The following SPAG9 variants were observed in gnomAD, a reference collection of about 807,000 sequenced individuals.
SPAG9 encodes the protein sperm associated antigen 9.
SPAG9 carries 35 observed loss-of-function variants against 166.5 expected under a neutral mutation model. The ratio of observed to expected loss-of-function variants is 0.21; its 90% CI spans 0.16 to 0.28. The LOEUF is 0.28. Ranked by LOEUF, SPAG9 falls within the 10% of genes least tolerant of loss-of-function variation. SPAG9 has a pLI of 1.00. For synonymous variants in SPAG9, 534 were observed against 565.5 expected, an observed-to-expected ratio of 0.94 and a Z score of 0.79; for missense variants, 1,235 against 1,603.3, an observed-to-expected ratio of 0.77 and a Z score of 3.92.
chr17:51,047,870 A>G (rs924781071), intron 3 of SPAG9, among the ~76,000 whole-genome samples: 1 of 152,108 alleles, frequency 6.6e-6, no homozygotes, highest in Non-Finnish European at 1.5e-5. Flanking sequence ...AATGAGACAC[A>G]ACAAAGAAAT....
intron 2 of SPAG9, among the ~76,000 whole-genome samples, chr17:51,063,229 C>A (rs534239568): frequency 6.7e-6 from 1 of 149,574 alleles, no homozygotes; most frequent in African/African-American, 2.5e-5. Flanking sequence ...GCCAACATGG[C>A]GAAACCCCAT....
In SPAG9 at chr17:51,020,124, G is replaced by C. The variant is rs772554540; in HGVS notation, c.1091+35C>G. The C allele has an allele frequency of 2.6e-5, 33 of 1,287,172 alleles. No homozygotes were observed. The East Asian group carries it at 6.7e-4, about 26-fold the overall frequency. The allele number at this position is 1,287,172 out of a possible 1,614,324, so 79.7% of individuals were successfully genotyped here. ...TGTTTATGGGAGTTGGGGGTGGGGG[G>C]CGCAGAATATGTCTTCATCTAACAT... On this transcript the variant is annotated intron_variant, in intron 8 of 29. Coordinates refer to ENST00000262013, the MANE Select transcript of SPAG9 (RefSeq NM_001130528.3).
chr17:51,037,629 T>TA (rs1375810235), intron 5 of SPAG9, among the ~76,000 whole-genome samples: 4 of 132,772 alleles, frequency 3.0e-5, no homozygotes, highest in East Asian at 4.2e-4. Context: ...AAAAAAAAAA[T>TA]TATATATATA....
chr17:50,973,986 C>A (rs542440152), intron 28 of SPAG9, among the ~76,000 whole-genome samples: 15 of 152,314 alleles, frequency 9.8e-5, no homozygotes, highest in Non-Finnish European at 1.3e-4. Flanking sequence ...CTCTGAAGAA[C>A]CCTGACTAAT....
chr17:50,968,973 C>A (rs1380336310), intron 29 of SPAG9, among the ~76,000 whole-genome samples: 1 of 151,644 alleles, frequency 6.6e-6, no homozygotes, highest in African/African-American at 2.4e-5. Flanking sequence ...CACTCTGTCA[C>A]CCAGGCTGGA....
intron 3 of SPAG9, among the ~76,000 whole-genome samples, chr17:51,053,039 C>T (rs892102397): frequency 1.3e-5 from 2 of 151,494 alleles, no homozygotes; most frequent in East Asian, 3.9e-4. Context: ...CAGAGCAAGA[C>T]CCCATCTCAA....
Position 51,020,123 on chromosome 17 carries a change from G to A in SPAG9, c.1091+36C>T, listed in dbSNP as rs1312639151. ...GTGTTTATGGGAGTTGGGGGTGGGG[G>A]GCGCAGAATATGTCTTCATCTAACA... On this transcript the variant is annotated intron_variant, in intron 8 of 29. Transcript: ENST00000262013. 11 of 1,254,434 alleles carry A rather than the reference G, an allele frequency of 8.8e-6. No homozygotes were observed. The East Asian group carries it at 1.4e-4, about 16-fold the overall frequency. The allele number at this position is 1,254,434 out of a possible 1,614,324, so 77.7% of individuals were successfully genotyped here.
At chr17:51,101,972 C>T (rs1389121144) in intron 1 of SPAG9, among the ~76,000 whole-genome samples, 2 of 152,100 alleles carry the variant, frequency 1.3e-5, no homozygotes, top group African/African-American at 2.4e-5. Context: ...TGGATTTCCA[C>T]GCCCCCAAAA....
chr17:51,072,147 A>G (rs1348095115), intron 2 of SPAG9, among the ~76,000 whole-genome samples: 1 of 151,886 alleles, frequency 6.6e-6, no homozygotes, highest in Non-Finnish European at 1.5e-5. Flanking sequence ...TCTTGGCTCA[A>G]TGCAACCTCC....
chr17:50,980,210 T>G (rs902474334), intron 25 of SPAG9, among the ~76,000 whole-genome samples: 1 of 152,134 alleles, frequency 6.6e-6, no homozygotes, highest in African/African-American at 2.4e-5. Flanking sequence ...TATTTCTTTA[T>G]TTTTTATTTT....
intron 18 of SPAG9, among the ~76,000 whole-genome samples, chr17:50,994,378 C>T (rs1428347554): frequency 6.6e-6 from 1 of 152,114 alleles, no homozygotes; most frequent in Non-Finnish European, 1.5e-5. Context: ...TTTTTTCCTT[C>T]CCAGTCTCGG....
intron 29 of SPAG9, among the ~76,000 whole-genome samples, chr17:50,967,820 A>AT (rs1347174495): frequency 2.0e-5 from 3 of 152,182 alleles, no homozygotes; most frequent in Non-Finnish European, 4.4e-5. Flanking sequence ...ATCAAATTTG[A>AT]TTTTTTACAA....
chr17:50,992,976 GTC>G (rs1428468302), intron 19 of SPAG9, among the ~76,000 whole-genome samples: 1 of 151,478 alleles, frequency 6.6e-6, no homozygotes, highest in South Asian at 2.1e-4. Context: ...CGTGCCTGTA[GTC>G]CCAGCTACTT....
intron 25 of SPAG9, among the ~76,000 whole-genome samples, chr17:50,981,727 A>C (rs1376798972): frequency 6.6e-6 from 1 of 151,702 alleles, no homozygotes; most frequent in African/African-American, 2.4e-5. Context: ...AAAAAAAAAA[A>C]AAAACCGTAA....
At chr17:51,105,542 CT>C (rs1264448017) in intron 1 of SPAG9, among the ~76,000 whole-genome samples, 15 of 152,284 alleles carry the variant, frequency 9.9e-5, no homozygotes, top group African/African-American at 3.6e-4. Flanking sequence ...TTAACCTTTT[CT>C]TCTTCCCTTT....
At chr17:51,093,805 T>G (rs2048538631) in intron 1 of SPAG9, among the ~76,000 whole-genome samples, 1 of 148,760 alleles carries the variant, frequency 6.7e-6, no homozygotes, top group South Asian at 2.1e-4. Context: ...GAGGGTTGAG[T>G]GGAAGTCTAA....
intron 21 of SPAG9, 129 bp from the exon 22 acceptor site, chr17:50,987,366 G>A: frequency 1.3e-6 from 1 of 798,322 alleles, no homozygotes; most frequent in South Asian, 2.1e-5. Context: ...TAGAGATAGG[G>A]TATCACTCTG....
At chr17:51,081,811 T>C (rs1268188748) in intron 1 of SPAG9, among the ~76,000 whole-genome samples, 1 of 140,838 alleles carries the variant, frequency 7.1e-6, no homozygotes, top group Non-Finnish European at 1.6e-5. Context: ...TTCTTTACCA[T>C]AGCCTCTAAG....
intron 1 of SPAG9, among the ~76,000 whole-genome samples, chr17:51,092,478 C>G (rs1361434217): frequency 6.6e-6 from 1 of 151,996 alleles, no homozygotes; most frequent in Non-Finnish European, 1.5e-5. Context: ...AATATGAACA[C>G]TTATTAAGTA....
Sources: gnomAD v4.1 joint callset for allele counts (sites outside exome capture counted in the v4.1 genomes callset) on GRCh38, gnomAD v4.1.1 for gene constraint, MANE v1.5 for transcripts, NCBI Gene and HGNC (gene_info 2026-07-23, HGNC 2026-07-21) for gene names.